The following TUNAR variants were observed in gnomAD, a reference collection of about 807,000 sequenced individuals.
The protein encoded by TUNAR is transmembrane neural differentiation associated intracellular calcium regulator, also known as protein TUNAR.
At chr14:95,897,537 C>T (rs546907481) in intron 2 of TUNAR, among the ~76,000 whole-genome samples, 3 of 152,330 alleles carry the variant, frequency 2.0e-5, no homozygotes, top group African/African-American at 7.2e-5. Flanking sequence ...GCATCCCATC[C>T]TGAATGCTCT....
intron 2 of TUNAR, among the ~76,000 whole-genome samples, chr14:95,900,985 T>A (rs538650436): frequency 2.6e-4 from 39 of 152,216 alleles, no homozygotes; most frequent in Non-Finnish European, 5.1e-4. Context: ...GGCTAGTTAT[T>A]TTTGTGCCCT....
At chr14:95,908,981 C>T (rs565876023) in intron 2 of TUNAR, among the ~76,000 whole-genome samples, 64 of 152,294 alleles carry the variant, frequency 4.2e-4, no homozygotes, top group African/African-American at 1.4e-3. Context: ...AGGTCTGCAC[C>T]ACAGGCCTGC....
intron 2 of TUNAR, among the ~76,000 whole-genome samples, chr14:95,878,853 ATGC>A (rs1888931030): frequency 6.6e-6 from 1 of 152,254 alleles, no homozygotes; most frequent in Admixed American, 6.5e-5. Flanking sequence ...ATGACATACA[ATGC>A]ATTAAGAAGA....
At chr14:95,898,368 A>G (rs946811426) in intron 2 of TUNAR, among the ~76,000 whole-genome samples, 18 of 152,146 alleles carry the variant, frequency 1.2e-4, no homozygotes, top group African/African-American at 4.1e-4. Context: ...GTGGGTCTTC[A>G]TTTATTCATT....
At chr14:95,894,026 G>A (rs1381096380) in intron 2 of TUNAR, among the ~76,000 whole-genome samples, 1 of 152,244 alleles carries the variant, frequency 6.6e-6, no homozygotes, top group African/African-American at 2.4e-5. Context: ...CCCTGTTTTG[G>A]TGGATAGCTC....
intron 2 of TUNAR, among the ~76,000 whole-genome samples, chr14:95,890,212 G>C (rs928677218): frequency 6.6e-6 from 1 of 152,094 alleles, no homozygotes; most frequent in African/African-American, 2.4e-5. Flanking sequence ...CTGGCTTCGT[G>C]AAGGAGAAAT....
intron 2 of TUNAR, among the ~76,000 whole-genome samples, chr14:95,893,941 A>G (rs1386923473): frequency 2.0e-5 from 3 of 152,246 alleles, no homozygotes; most frequent in Non-Finnish European, 2.9e-5. Context: ...AGAAATGTAC[A>G]TGGTGGGTCC....
At chr14:95,877,328 C>G (rs12885582) in intron 2 of TUNAR, among the ~76,000 whole-genome samples, 151 bp downstream of exon 1, 8,177 of 152,302 alleles carry the variant, frequency 0.054, 337 homozygotes, top group East Asian at 0.13. Flanking sequence ...GCCCCGAAGC[C>G]CCGCCTGGAG....
At chr14:95,918,134 G>C (rs2139672322) in intron 2 of TUNAR, among the ~76,000 whole-genome samples, 1 of 151,916 alleles carries the variant, frequency 6.6e-6, no homozygotes, top group East Asian at 1.9e-4. Context: ...AATTTTTGTG[G>C]CTACATAGTG....
intron 2 of TUNAR, among the ~76,000 whole-genome samples, chr14:95,909,282 C>CTTTT (rs3044246): frequency 0.015 from 1,939 of 125,898 alleles, 86 homozygotes; most frequent in African/African-American, 0.057. Context: ...GCTGCCATCT[C>CTTTT]TTTTTTTTTT....
At chr14:95,881,823 G>A (rs1888983957) in intron 2 of TUNAR, among the ~76,000 whole-genome samples, 1 of 152,166 alleles carries the variant, frequency 6.6e-6, no homozygotes, top group Admixed American at 6.5e-5. Flanking sequence ...TTTACAAAGA[G>A]CAAAGGAAAA....
At chr14:95,894,317 C>T (rs1477529439) in intron 2 of TUNAR, among the ~76,000 whole-genome samples, 1 of 152,206 alleles carries the variant, frequency 6.6e-6, no homozygotes. Context: ...ATTGAACACA[C>T]GCTATGTGCT....
intron 2 of TUNAR, among the ~76,000 whole-genome samples, chr14:95,896,969 G>A (rs77112498): frequency 0.014 from 2,190 of 152,302 alleles, 24 homozygotes; most frequent in Middle Eastern, 0.027. Flanking sequence ...CCATGATTCG[G>A]GCTTGCGTTG....
intron 2 of TUNAR, among the ~76,000 whole-genome samples, chr14:95,901,447 A>G (rs537209028): frequency 5.9e-5 from 9 of 152,340 alleles, no homozygotes; most frequent in African/African-American, 2.2e-4. Flanking sequence ...GCCAGGCCCC[A>G]TATAGATGCC....
exon 3 of TUNAR, chr14:95,925,265 G>A (rs1485792863): frequency 6.6e-6 from 1 of 152,418 alleles, no homozygotes; most frequent in Admixed American, 6.5e-5. Flanking sequence ...CAAACCCAAT[G>A]TGTCTGATTC....
At chr14:95,900,379 G>A (rs543539211) in intron 2 of TUNAR, among the ~76,000 whole-genome samples, 1 of 152,360 alleles carries the variant, frequency 6.6e-6, no homozygotes, top group East Asian at 1.9e-4. Flanking sequence ...CTGGAGCAGA[G>A]ACGGCACCAG....
At chr14:95,904,953 C>G (rs1218682671) in intron 2 of TUNAR, among the ~76,000 whole-genome samples, 1 of 152,134 alleles carries the variant, frequency 6.6e-6, no homozygotes, top group Non-Finnish European at 1.5e-5. Context: ...CCAGCTCATT[C>G]CACAAGGGCC....
chr14:95,905,086 G>A (rs1595121945), intron 2 of TUNAR, among the ~76,000 whole-genome samples: 1 of 152,326 alleles, frequency 6.6e-6, no homozygotes, highest in East Asian at 1.9e-4. Context: ...TGGTCTAAGT[G>A]TTTGTGAAAT....
intron 2 of TUNAR, among the ~76,000 whole-genome samples, chr14:95,902,957 A>G (rs1355458992): frequency 6.6e-6 from 1 of 152,202 alleles, no homozygotes; most frequent in African/African-American, 2.4e-5. Context: ...GGTATTTGCA[A>G]CTTTGAGCCA....
Sources: gnomAD v4.1 joint callset for allele counts (sites outside exome capture counted in the v4.1 genomes callset) on GRCh38, gnomAD v4.1.1 for gene constraint, MANE v1.5 for transcripts, NCBI Gene and HGNC (gene_info 2026-07-23, HGNC 2026-07-21) for gene names.